CALU: variants seen among roughly 807,000 people sequenced by gnomAD.
CALU encodes IEF SSP 9302.
Under a neutral mutation model 37.5 loss-of-function variants are expected in CALU, and 13 were observed. The ratio of observed to expected loss-of-function variants is 0.35; its 90% CI spans 0.23 to 0.55. The LOEUF is 0.55. Among genes scored for constraint, CALU ranks in the 20% least tolerant of loss-of-function variants. The pLI, the probability that CALU is intolerant of heterozygous loss-of-function variation, is 0.89. For synonymous variants in CALU, 114 were observed against 133.8 expected (o/e 0.85, Z 1.02); for missense variants, 282 against 391.7 (o/e 0.72, Z 2.36).
chr7:128,741,884 C>T (rs995898553), intron 1 of CALU, among the ~76,000 whole-genome samples: 11 of 152,134 alleles, frequency 7.2e-5, no homozygotes, highest in African/African-American at 2.7e-4. Flanking sequence ...TATTCTGTAG[C>T]CAGAAAAATT....
Position 128,751,039 on chromosome 7 carries a change from C to T in CALU, c.221+2235C>T, listed in dbSNP as rs2046972. Among the ~76,000 whole-genome samples, 468 of 152,214 alleles carry T rather than the reference C, an allele frequency of 3.1e-3. 25 individuals carry two copies. The East Asian group carries it at 0.081, about 26-fold the overall frequency. Reference sequence around the variant, plus strand: ...GCGCAATGGCTCATGCCTGTAATCCCAGCACTTTGGGAGGCCGAGGCAGGC... The same window carrying T: ...GCGCAATGGCTCATGCCTGTAATCCTAGCACTTTGGGAGGCCGAGGCAGGC... On this transcript the variant is annotated intron_variant, in intron 2 of 6. Coordinates refer to ENST00000249364, the MANE Select transcript of CALU (RefSeq NM_001219.5).
chr7:128,758,522 G>A (rs544423817), intron 3 of CALU, among the ~76,000 whole-genome samples: 28 of 152,328 alleles, frequency 1.8e-4, no homozygotes, highest in African/African-American at 5.1e-4. Context: ...GCTAGAAAAT[G>A]GTAGAGTTCA....
At chr7:128,741,747 C>T (rs180874714) in intron 1 of CALU, among the ~76,000 whole-genome samples, 70 of 152,306 alleles carry the variant, frequency 4.6e-4, no homozygotes, top group African/African-American at 1.6e-3. Context: ...CAACTAGAAA[C>T]CAAGGCTCCT....
intron 1 of CALU, chr7:128,747,487 G>C (rs1479235792): frequency 6.7e-6 from 1 of 149,968 alleles, no homozygotes; most frequent in Non-Finnish European, 1.5e-5. Flanking sequence ...TTGTCTTACT[G>C]TGTTGTCGTA....
At chr7:128,763,130 A>G (rs1435270248) in intron 5 of CALU, among the ~76,000 whole-genome samples, 4 of 152,202 alleles carry the variant, frequency 2.6e-5, no homozygotes, top group African/African-American at 9.6e-5. Context: ...ATTGAGGTAT[A>G]TATGTCTAAA....
At chr7:128,768,761 C>T (rs1801427493) in intron 6 of CALU, among the ~76,000 whole-genome samples, 1 of 146,596 alleles carries the variant, frequency 6.8e-6, no homozygotes, top group South Asian at 2.2e-4. Flanking sequence ...TCACTTAAAT[C>T]ACTTTAACAC....
rs750190072 is a variant in CALU at position 128,772,602 on chromosome 7, T to C, written c.*3435T>C. 22 of 1,614,074 alleles carry C rather than the reference T, an allele frequency of 1.4e-5. No homozygotes were observed. The highest frequency in any genetic ancestry group is 1.3e-4 in the East Asian group (6 of 44,904). ...ACTTCTGTTTTCTGGGAGCTGCATG[T>C]GTCGGATTCATCTGTCATGGCCTTC... On this transcript the variant is annotated 3_prime_UTR_variant, in exon 7 of 7. Transcript: ENST00000249364.
At chr7:128,761,522 T>G (rs1344262522) in intron 5 of CALU, 1 of 152,290 alleles carries the variant, frequency 6.6e-6, no homozygotes, top group East Asian at 1.9e-4. Flanking sequence ...GTCAAAACTG[T>G]GCTGATTAGT....
chr7:128,760,005 G>A (rs1442453384), intron 5 of CALU, among the ~76,000 whole-genome samples, 153 bp downstream of exon 5: 1 of 152,176 alleles, frequency 6.6e-6, no homozygotes, highest in African/African-American at 2.4e-5. Context: ...AGTCCAGCCT[G>A]GCCAACATGG....
At chr7:128,759,350 A>G (rs1375784392) in intron 4 of CALU, among the ~76,000 whole-genome samples, 17 of 152,208 alleles carry the variant, frequency 1.1e-4, no homozygotes, top group Admixed American at 1.0e-3. Context: ...AAAATATCCC[A>G]TGACCAATAG....
chr7:128,767,352 G>A (rs894131653), intron 5 of CALU, 104 bp from the exon 6 acceptor site: 1 of 861,352 alleles, frequency 1.2e-6, no homozygotes, highest in African/African-American at 1.6e-5. Flanking sequence ...GCTGCTGTTG[G>A]GTTCCAAACA....
In CALU at chr7:128,772,653, C is replaced by G. The variant is rs371754125; in HGVS notation, c.*3486C>G. 10 of 1,613,946 alleles carry G rather than the reference C, an allele frequency of 6.2e-6. No individual in the cohort carries two copies. The highest frequency in any genetic ancestry group is 8.5e-6 in the Non-Finnish European group (10 of 1,179,954). ...CCACACACCATCTTCATGATGCAAG[C>G]TTGGAACTGGAGAGAAAGGTACAAT... On this transcript the variant is annotated 3_prime_UTR_variant, in exon 7 of 7. Transcript: ENST00000249364.
chr7:128,772,667 GAA>G lies in CALU; in HGVS notation c.*3502_*3503del. On this transcript the variant is annotated 3_prime_UTR_variant, in exon 7 of 7. Coordinates refer to ENST00000249364, the MANE Select transcript of CALU (RefSeq NM_001219.5). ...CATGATGCAAGCTTGGAACTGGAGAGAAAGGTACAATTGGAGATAACCTTGGC... is the reference window on the plus strand; with the variant it reads ...CATGATGCAAGCTTGGAACTGGAGAGAGGTACAATTGGAGATAACCTTGGC... 6.2e-7 allele frequency: 1 copy of G among 1,614,038 alleles called. No individual in the cohort carries two copies.
intron 5 of CALU, among the ~76,000 whole-genome samples, chr7:128,765,605 C>T (rs1405401266): frequency 1.3e-5 from 2 of 152,178 alleles, no homozygotes; most frequent in Non-Finnish European, 2.9e-5. Flanking sequence ...TGTGATATGG[C>T]TCTTAAGTGT....
At chr7:128,757,465 C>G (rs1800933887) in intron 3 of CALU, among the ~76,000 whole-genome samples, 1 of 151,724 alleles carries the variant, frequency 6.6e-6, no homozygotes, top group South Asian at 2.1e-4. Context: ...AAAAATGAAG[C>G]TTCAAAATGC....
intron 5 of CALU, among the ~76,000 whole-genome samples, chr7:128,761,053 G>C (rs777362737): frequency 6.6e-6 from 1 of 152,266 alleles, no homozygotes; most frequent in African/African-American, 2.4e-5. Context: ...TTTTTACTGT[G>C]TTCTGTTCAT....
intron 2 of CALU, 148 bp downstream of exon 2, chr7:128,748,952 A>C (rs1341583547): frequency 3.4e-6 from 2 of 591,096 alleles, no homozygotes; most frequent in East Asian, 5.6e-5. Context: ...ACTACCTCTA[A>C]AATTTCATTA....
chr7:128,741,906 C>T (rs1450715898), intron 1 of CALU, among the ~76,000 whole-genome samples: 1 of 152,098 alleles, frequency 6.6e-6, no homozygotes, highest in Non-Finnish European at 1.5e-5. Context: ...AAAGTTTGTG[C>T]TGGGTTGCTT....
rs1224619762 is a variant in CALU at position 128,769,320 on chromosome 7, C to G, written c.*153C>G. ...CCATCCCGTCCCCATTCCTCCTCCT[C>G]TCTGAGGGACTGGAGGGAAGCCGTG... On this transcript the variant is annotated 3_prime_UTR_variant, in exon 7 of 7. Coordinates refer to ENST00000249364, the MANE Select transcript of CALU (RefSeq NM_001219.5). The G allele has an allele frequency of 1.9e-6, 1 of 535,994 alleles. No homozygotes were observed. 33.2% of individuals were successfully genotyped at this position (535,994 alleles called of 1,614,324 possible).
Sources: allele counts gnomAD v4.1 joint callset (sites outside exome capture counted in the v4.1 genomes callset), GRCh38; gene constraint gnomAD v4.1.1; transcripts MANE v1.5; gene names NCBI Gene and HGNC (gene_info 2026-07-23, HGNC 2026-07-21).